The following RASGRF1 variants were observed in gnomAD, a reference collection of about 807,000 sequenced individuals.
The protein encoded by RASGRF1 is ras-specific guanine nucleotide-releasing factor 1.
Under a neutral mutation model 138.7 loss-of-function variants are expected in RASGRF1, and 40 were observed. The ratio of observed to expected loss-of-function variants is 0.29; its 90% confidence interval spans 0.22 to 0.38. The LOEUF (loss-of-function observed/expected upper bound fraction) is 0.38. Among genes scored for constraint, RASGRF1 ranks in the 10% least tolerant of loss-of-function variants. The pLI is 1.00. For missense variants in RASGRF1, 1,108 were observed against 1,650.4 expected (o/e 0.67, Z 5.69); for synonymous variants, 614 against 663.2 (o/e 0.93, Z 1.14).
At chr15:79,071,824 C>T (rs934444519) in intron 1 of RASGRF1, among the ~76,000 whole-genome samples, 3 of 152,216 alleles carry the variant, frequency 2.0e-5, no homozygotes, top group East Asian at 3.9e-4. Context: ...AAGTGGCACC[C>T]CATATTAGGG....
At chr15:78,985,441 T>A in intron 22 of RASGRF1, 1 of 431,214 alleles carries the variant, frequency 2.3e-6, no homozygotes, top group Non-Finnish European at 4.1e-6. Context: ...AATACAACCT[T>A]CCAAATAACA....
At chr15:79,054,061 C>T (rs544357840) in intron 3 of RASGRF1, among the ~76,000 whole-genome samples, 156 of 152,352 alleles carry the variant, frequency 1.0e-3, no homozygotes, top group Non-Finnish European at 1.9e-3. Context: ...GTCAAATACC[C>T]AGCTAGCGAA....
intron 2 of RASGRF1, among the ~76,000 whole-genome samples, chr15:79,061,105 C>T (rs1297805431): frequency 6.6e-6 from 1 of 152,118 alleles, no homozygotes; most frequent in Non-Finnish European, 1.5e-5. Flanking sequence ...CCTCTAGGAA[C>T]TGCCCCCTCC....
rs1192954666 is a variant in RASGRF1 at position 79,024,052 on chromosome 15, C to T, written c.1542+1262G>A. On this transcript the variant is annotated intron_variant, in intron 10 of 26. Transcript: ENST00000558480. ...ACACACACATACAAACACACACACACACATACACATACACACACATATACA... is the reference window on the plus strand; with the variant it reads ...ACACACACATACAAACACACACACATACATACACATACACACACATATACA... Among the ~76,000 whole-genome samples, 3 of 150,178 alleles carry T rather than the reference C, an allele frequency of 2.0e-5. No individual in the cohort carries two copies. The East Asian group carries it at 5.9e-4, about 29-fold the overall frequency.
intron 5 of RASGRF1, among the ~76,000 whole-genome samples, chr15:79,041,944 G>A (rs1043510082): frequency 7.2e-5 from 11 of 152,178 alleles, no homozygotes; most frequent in African/African-American, 1.2e-4. Flanking sequence ...ATCAGTCAGC[G>A]CAGGAAGCAA....
At chr15:79,082,090 C>T (rs1797590092) in intron 1 of RASGRF1, among the ~76,000 whole-genome samples, 1 of 152,162 alleles carries the variant, frequency 6.6e-6, no homozygotes, top group South Asian at 2.1e-4. Context: ...TGTGTGTGTG[C>T]CCGATGATCA....
chr15:79,043,281 CA>C lies in RASGRF1; in HGVS notation c.878+3464del, dbSNP rs541346638. On this transcript the variant is annotated intron_variant, in intron 5 of 26. Coordinates refer to ENST00000558480, the MANE Select transcript of RASGRF1 (RefSeq NM_001145648.3). ...CACTTTGCTATTTTGTATATATGCA[CA>C]TGAGGGATATTGGGCTGTAGTTTTC... is the stretch of plus-strand genomic sequence containing the variant. 5.3e-4 allele frequency among the ~76,000 whole-genome samples: 80 copies of C among 152,306 alleles called. No homozygotes were observed. In the South Asian group the frequency reaches 0.014, roughly 26 times the overall value.
chr15:78,983,320 C>A (rs533510546), intron 23 of RASGRF1, among the ~76,000 whole-genome samples: 1 of 152,250 alleles, frequency 6.6e-6, no homozygotes, highest in East Asian at 1.9e-4. Flanking sequence ...GATTTTTGGA[C>A]CAGGCCAGCT....
At position 79,027,930 on chromosome 15, in the gene RASGRF1, CT is replaced by C; in HGVS notation, c.1263-72del. ...TTCCCAGGGAGGCGAGAATGCCAGG[CT>C]TCTGGCCAGACCTAGGAAGAAAGCC... On this transcript the variant is annotated intron_variant, in intron 8 of 26. Transcript: ENST00000558480. This position sits in a 1 kb window ranked among gnomAD's most constrained non-coding sequence, Gnocchi z 4.8. The C allele has an allele frequency of 6.8e-7, 1 of 1,481,050 alleles. No homozygotes were observed. Among genetic ancestry groups the C allele is most frequent in the South Asian group, 1.1e-5 (1 of 87,330 alleles). 91.7% of individuals were successfully genotyped at this position (1,481,050 alleles called of 1,614,324 possible). A position where few individuals can be genotyped will look rare whatever the true frequency, so the allele number is the denominator to read the frequency against.
intron 26 of RASGRF1, among the ~76,000 whole-genome samples, chr15:78,964,398 C>G (rs1318729350): frequency 6.6e-6 from 1 of 152,164 alleles, no homozygotes; most frequent in Non-Finnish European, 1.5e-5. Flanking sequence ...TGGTCTCGAA[C>G]TTCTGACCTC....
At chr15:79,051,086 T>G (rs981609429) in intron 3 of RASGRF1, among the ~76,000 whole-genome samples, 1 of 152,168 alleles carries the variant, frequency 6.6e-6, no homozygotes, top group African/African-American at 2.4e-5. Context: ...AAGCCCCACA[T>G]GTCTAAAGAT....
At chr15:78,978,629 G>A (rs1160635835) in intron 24 of RASGRF1, 3 of 999,436 alleles carry the variant, frequency 3.0e-6, no homozygotes, top group African/African-American at 1.7e-5. Flanking sequence ...TCTCTGGGGA[G>A]GTCATTGGCT....
chr15:78,971,729 A>T, intron 26 of RASGRF1, 137 bp downstream of exon 26: 2 of 783,764 alleles, frequency 2.6e-6, no homozygotes, highest in Non-Finnish European at 4.4e-6. Context: ...AGCCTTCCTT[A>T]CAGGGATGGC....
intron 5 of RASGRF1, among the ~76,000 whole-genome samples, chr15:79,037,105 G>GT (rs1190316741): frequency 6.6e-6 from 1 of 152,116 alleles, no homozygotes; most frequent in Non-Finnish European, 1.5e-5. Context: ...CCCCAAACGA[G>GT]TTTGTTGAAT....
chr15:79,047,545 C>A (rs1011095747), intron 4 of RASGRF1, among the ~76,000 whole-genome samples: 3 of 152,164 alleles, frequency 2.0e-5, no homozygotes, highest in Non-Finnish European at 4.4e-5. Context: ...TCAAATTGAA[C>A]GGAACATGGA....
At chr15:79,029,055 G>T (rs574286287) in intron 8 of RASGRF1, among the ~76,000 whole-genome samples, 1 of 152,366 alleles carries the variant, frequency 6.6e-6, no homozygotes, top group African/African-American at 2.4e-5. Flanking sequence ...GGGTAGTGGT[G>T]ATTGTTGTTG....
chr15:79,081,481 C>CCTGCACTGGCT (rs1282579574), intron 1 of RASGRF1, among the ~76,000 whole-genome samples: 1 of 152,224 alleles, frequency 6.6e-6, no homozygotes. Flanking sequence ...CACTCAGAGC[C>CCTGCACTGGCT]CTGCACTGGC....
intron 26 of RASGRF1, 142 bp from the exon 27 acceptor site, chr15:78,962,378 G>A: frequency 1.7e-6 from 1 of 605,350 alleles, no homozygotes; most frequent in Non-Finnish European, 2.9e-6. Flanking sequence ...GCATTCAGTA[G>A]TGTTCCATCT....
At chr15:79,041,011 C>A (rs1286281292) in intron 5 of RASGRF1, among the ~76,000 whole-genome samples, 1 of 152,200 alleles carries the variant, frequency 6.6e-6, no homozygotes. Context: ...AAATAGTCCC[C>A]ATCAAGGCTG....
Sources: allele counts gnomAD v4.1 joint callset (sites outside exome capture counted in the v4.1 genomes callset), GRCh38; gene constraint gnomAD v4.1.1; non-coding constraint Gnocchi (gnomAD v3.1); transcripts MANE v1.5; gene names NCBI Gene and HGNC (gene_info 2026-07-23, HGNC 2026-07-21).